CACNB4: variants seen among roughly 807,000 people sequenced by gnomAD.
CACNB4 encodes voltage-dependent L-type calcium channel subunit beta-4.
CACNB4 carries 32 observed loss-of-function variants against 71.2 expected under a neutral mutation model. That is an observed-to-expected ratio of 0.45 (90% CI 0.34 to 0.60). The LOEUF (loss-of-function observed/expected upper bound fraction) is 0.60. Ranked by LOEUF, CACNB4 falls within the 20% of genes least tolerant of loss-of-function variation. The pLI is 0.01. For synonymous variants in CACNB4, 231 were observed against 236.9 expected (o/e 0.97, Z 0.23); for missense variants, 464 against 647.9 (o/e 0.72, Z 3.08).
chr2:151,938,594 T>A (rs1229114645), intron 2 of CACNB4, among the ~76,000 whole-genome samples: 2 of 152,224 alleles, frequency 1.3e-5, no homozygotes, highest in Non-Finnish European at 2.9e-5. Context: ...AAGTAAGACC[T>A]TTCGTGTCAT....
chr2:152,027,554 G>T (rs1684043331), intron 2 of CACNB4, among the ~76,000 whole-genome samples: 1 of 152,148 alleles, frequency 6.6e-6, no homozygotes, highest in South Asian at 2.1e-4. Context: ...TGGCTCCAGT[G>T]GGAAGCTCAA....
chr2:152,055,730 C>T (rs993493902), intron 2 of CACNB4, among the ~76,000 whole-genome samples: 1 of 152,164 alleles, frequency 6.6e-6, no homozygotes, highest in African/African-American at 2.4e-5. Context: ...GATTTCCCCC[C>T]TGATTCTAAG....
intron 2 of CACNB4, among the ~76,000 whole-genome samples, chr2:152,084,164 T>G (rs906858934): frequency 6.6e-6 from 1 of 152,124 alleles, no homozygotes; most frequent in Non-Finnish European, 1.5e-5. Context: ...GGCTGAATGA[T>G]GTCTGTTCCC....
At chr2:151,881,644 G>A (rs983119586) in intron 3 of CACNB4, among the ~76,000 whole-genome samples, 2 of 152,192 alleles carry the variant, frequency 1.3e-5, no homozygotes, top group Admixed American at 6.5e-5. Context: ...AGAAAATTTT[G>A]TAACAAAAAT....
At chr2:151,929,829 A>G (rs551255910) in intron 2 of CACNB4, among the ~76,000 whole-genome samples, 1 of 152,288 alleles carries the variant, frequency 6.6e-6, no homozygotes, top group South Asian at 2.1e-4. Context: ...TCCAGGCTCT[A>G]TATGAAGAAA....
At chr2:151,913,077 G>A (rs1273742127) in intron 2 of CACNB4, among the ~76,000 whole-genome samples, 2 of 151,952 alleles carry the variant, frequency 1.3e-5, no homozygotes, top group African/African-American at 4.8e-5. Flanking sequence ...ATGTAAGATG[G>A]ATCTCCTGAA....
chr2:152,088,833 T>C (rs947436806), intron 2 of CACNB4, among the ~76,000 whole-genome samples: 11 of 152,214 alleles, frequency 7.2e-5, no homozygotes, highest in South Asian at 6.2e-4. Flanking sequence ...CAAAGGCGCA[T>C]GTTTACTCTA....
At chr2:152,042,327 C>G (rs1160545806) in intron 2 of CACNB4, among the ~76,000 whole-genome samples, 1 of 152,192 alleles carries the variant, frequency 6.6e-6, no homozygotes, top group African/African-American at 2.4e-5. Context: ...TCCGTCTGCT[C>G]CCTCCCCAGG....
intron 2 of CACNB4, among the ~76,000 whole-genome samples, chr2:152,059,687 C>T (rs1685906540): frequency 6.6e-6 from 1 of 152,162 alleles, no homozygotes; most frequent in Admixed American, 6.5e-5. Context: ...TGGGTTAATA[C>T]TGAAATGAAT....
chr2:152,039,886 AG>A, intron 2 of CACNB4, among the ~76,000 whole-genome samples: 1 of 139,052 alleles, frequency 7.2e-6, no homozygotes, highest in South Asian at 2.9e-4. Context: ...TAGAGAATGC[AG>A]AAAAAAAGAA....
intron 2 of CACNB4, chr2:151,884,207 G>A: frequency 6.6e-6 from 1 of 152,020 alleles, no homozygotes; most frequent in Non-Finnish European, 1.5e-5. Context: ...GGCTGAGGCA[G>A]GAGAATCGTT....
intron 2 of CACNB4, among the ~76,000 whole-genome samples, chr2:152,062,172 T>A (rs920940581): frequency 2.6e-5 from 4 of 152,054 alleles, no homozygotes. Flanking sequence ...TAATTTTTGG[T>A]TAACTACTCA....
intron 2 of CACNB4, among the ~76,000 whole-genome samples, chr2:152,013,044 C>T (rs1331088219): frequency 6.6e-6 from 1 of 151,522 alleles, no homozygotes; most frequent in African/African-American, 2.4e-5. Flanking sequence ...CAAACACTTA[C>T]TATTGTGTTA....
chr2:152,086,258 C>T (rs2105444213), intron 2 of CACNB4, among the ~76,000 whole-genome samples: 1 of 152,304 alleles, frequency 6.6e-6, no homozygotes, highest in African/African-American at 2.4e-5. Flanking sequence ...ATGAATACGA[C>T]AATCAATACT....
chr2:151,853,411 G>T (rs760567319), intron 12 of CACNB4, 37 bp downstream of exon 12: 11 of 1,292,498 alleles, frequency 8.5e-6, no homozygotes, highest in Non-Finnish European at 1.2e-5. Flanking sequence ...CTTCTAACTA[G>T]TCAAGAATGA....
In CACNB4 at chr2:152,098,829, C is replaced by A; in HGVS notation, c.63+120G>T. 1.0e-6 allele frequency: 1 copy of A among 987,920 alleles called. No homozygotes were observed. Among genetic ancestry groups the A allele is most frequent in the Non-Finnish European group, 1.5e-6 (1 of 682,316 alleles). 61.2% of individuals were successfully genotyped at this position (987,920 alleles called of 1,614,324 possible). ...GGAGGAGGGGTGGGGGGAGCGGGGC[C>A]GCCGACTCCCGGGACTGGGGCCCCG... On this transcript the variant is annotated intron_variant, in intron 1 of 13. Transcript: ENST00000539935. The surrounding 1 kb of genome is among the most constrained non-coding windows in gnomAD (Gnocchi z 5.3).
At chr2:152,003,901 A>C (rs1290098879) in intron 2 of CACNB4, among the ~76,000 whole-genome samples, 1 of 152,028 alleles carries the variant, frequency 6.6e-6, no homozygotes, top group Non-Finnish European at 1.5e-5. Flanking sequence ...CTGGAGTGCA[A>C]TGGTGCCATT....
chr2:151,866,733 C>T (rs181830888), intron 9 of CACNB4: 2 of 152,308 alleles, frequency 1.3e-5, no homozygotes, highest in African/African-American at 4.8e-5. Context: ...CCCCTCACCC[C>T]TTTAATATCT....
chr2:151,891,780 C>T (rs1013917639), intron 2 of CACNB4, among the ~76,000 whole-genome samples: 3 of 152,122 alleles, frequency 2.0e-5, no homozygotes, highest in African/African-American at 7.2e-5. Flanking sequence ...TCTGGGAAAG[C>T]GAAAGTGATC....
Sources: gnomAD v4.1 joint callset for allele counts (sites outside exome capture counted in the v4.1 genomes callset) on GRCh38, gnomAD v4.1.1 for gene constraint, Gnocchi (gnomAD v3.1) non-coding constraint, MANE v1.5 for transcripts, NCBI Gene and HGNC (gene_info 2026-07-23, HGNC 2026-07-21) for gene names.